AKAP13: variants seen among roughly 807,000 people sequenced by gnomAD.
The protein encoded by AKAP13 is A-kinase anchoring protein 13.
A neutral mutation model predicts 264.5 loss-of-function variants in AKAP13; 80 were observed. The ratio of observed to expected loss-of-function variants is 0.30; its 90% CI spans 0.25 to 0.36. The LOEUF (loss-of-function observed/expected upper bound fraction) is 0.36, where lower values mean the gene tolerates loss of function less well. Ranked by LOEUF, AKAP13 falls within the 10% of genes least tolerant of loss-of-function variation. AKAP13 has a pLI of 1.00. For missense variants in AKAP13, 3,712 were observed against 3,435.2 expected (o/e 1.08, Z -2.01); for synonymous variants, 1,380 against 1,250.2 (o/e 1.10, Z -2.19).
intron 1 of AKAP13, among the ~76,000 whole-genome samples, chr15:85,413,612 G>A (rs2072088848): frequency 6.6e-6 from 1 of 152,194 alleles, no homozygotes; most frequent in Non-Finnish European, 1.5e-5. Flanking sequence ...AAACATGAAA[G>A]TAGAGATTCA....
At chr15:85,714,865 G>GC (rs2086834348) in intron 19 of AKAP13, among the ~76,000 whole-genome samples, 4 of 152,154 alleles carry the variant, frequency 2.6e-5, no homozygotes, top group Admixed American at 2.0e-4. Flanking sequence ...TACTCGGGAG[G>GC]CTGCGGCAGG....
rs190515741 is a variant in AKAP13, at chr15:85,410,766, T to C, written c.-12+29968T>C. Among the ~76,000 whole-genome samples the C allele has an allele frequency of 2.6e-5, 4 of 151,686 alleles. No individual in the cohort carries two copies. The East Asian group carries it at 5.8e-4, about 22-fold the overall frequency. ...CAAATCCCTTTCCTCCTTGAATCCT[T>C]CTCTAGCTGGTCCAGCCCATAGAGA... is the stretch of plus-strand genomic sequence containing the variant. On this transcript the variant is annotated intron_variant, in intron 1 of 36. Transcript: ENST00000394518.
intron 8 of AKAP13, among the ~76,000 whole-genome samples, chr15:85,604,786 CAGA>C (rs10567958): frequency 0.6 from 91,281 of 151,506 alleles, 27,551 homozygotes; most frequent in Middle Eastern, 0.71. Flanking sequence ...TTAGGTTCAT[CAGA>C]ATGAGAGTTA....
chr15:85,498,674 A>G (rs1276067636), intron 2 of AKAP13, among the ~76,000 whole-genome samples: 1 of 152,110 alleles, frequency 6.6e-6, no homozygotes, highest in Non-Finnish European at 1.5e-5. Flanking sequence ...TTTCAAATGT[A>G]AGACATACAT....
In AKAP13 at chr15:85,580,435, C is replaced by G; in HGVS notation, c.2367C>G (p.Asn789Lys). ...VISDSTFSLA[N>K]SPGSESVTKD... ...CAGACAGTACTTTCTCTCTGGCAAA[C>G]AGTCCAGGCAGTGAATCAGTAACCA... The change falls in exon 7 of 37, where the codon AAC becomes AAG. Residue 789 changes from asparagine (N) to lysine (K), a missense_variant. Transcript: ENST00000394518. 6.2e-7 allele frequency: 1 copy of G among 1,614,218 alleles called. No homozygotes were observed. Among genetic ancestry groups the G allele is most frequent in the Non-Finnish European group, 8.5e-7 (1 of 1,180,028 alleles).
intron 8 of AKAP13, among the ~76,000 whole-genome samples, chr15:85,613,955 T>A (rs781475787): frequency 2.0e-5 from 3 of 152,036 alleles, no homozygotes; most frequent in Non-Finnish European, 4.4e-5. Context: ...AAAGTAGGTT[T>A]TAAAACAAAA....
intron 35 of AKAP13, among the ~76,000 whole-genome samples, chr15:85,742,977 G>T (rs116126696): frequency 0.012 from 1,840 of 152,230 alleles, 33 homozygotes; most frequent in African/African-American, 0.04. Context: ...ACAAAGGAGG[G>T]TTCCCAGGCA....
chr15:85,584,328 G>A (rs574095848), intron 7 of AKAP13, among the ~76,000 whole-genome samples: 2 of 152,160 alleles, frequency 1.3e-5, no homozygotes, highest in African/African-American at 4.8e-5. Flanking sequence ...CCCGTCAAGT[G>A]TGAGTAATCA....
chr15:85,668,551 A>AGAAGAGGATAG (rs1262778675), intron 13 of AKAP13, among the ~76,000 whole-genome samples: 8 of 152,228 alleles, frequency 5.3e-5, no homozygotes, highest in African/African-American at 1.9e-4. Flanking sequence ...CTATCATCTT[A>AGAAGAGGATAG]GAAGAGGATA....
At chr15:85,384,227 C>G (rs1238618644) in intron 1 of AKAP13, among the ~76,000 whole-genome samples, 2 of 152,290 alleles carry the variant, frequency 1.3e-5, no homozygotes, top group Non-Finnish European at 2.9e-5. Context: ...TAAAAACATT[C>G]CTGACAAAGC....
In AKAP13 at chr15:85,718,831, T is replaced by C. The variant is rs1438121812; in HGVS notation, c.6002-245T>C. 2 of 456,390 alleles carry C rather than the reference T, an allele frequency of 4.4e-6. No homozygotes were observed. Among genetic ancestry groups the C allele is most frequent in the Non-Finnish European group, 7.9e-6 (2 of 252,352 alleles). 28.3% of individuals were successfully genotyped at this position (456,390 alleles called of 1,614,324 possible). ...AGAAAGATCGCTTGAGCCCAGGAGGTTGAGGCTGCAATGAGCCATGACTTC... is the reference window on the plus strand; with the variant it reads ...AGAAAGATCGCTTGAGCCCAGGAGGCTGAGGCTGCAATGAGCCATGACTTC... On this transcript the variant is annotated intron_variant, in intron 22 of 36. Transcript: ENST00000394518. This position sits in a 1 kb window ranked among gnomAD's most constrained non-coding sequence, Gnocchi z 4.9.
At position 85,743,750 on chromosome 15, in the gene AKAP13, C is replaced by T. The variant is rs746430838; in HGVS notation, c.8317C>T (p.Leu2773=). 2 of 1,613,998 alleles carry T rather than the reference C, an allele frequency of 1.2e-6. No homozygotes were observed. Among genetic ancestry groups the T allele is most frequent in the African/African-American group, 1.3e-5 (1 of 74,898 alleles). ...TGCGTCCACCTCTGCCTCTACCCGC[C>T]TGTTTGGGTTAACAAAGCCAAAGGA... The part of the protein sequence containing the change: ...APASTSASTR[L]FGLTKPKEKK... Residue 2773 remains leucine (L), a synonymous_variant, in exon 36 of 37, where the codon CTG becomes TTG. Transcript: ENST00000394518.
chr15:85,507,012 A>C (rs915944400), intron 2 of AKAP13, among the ~76,000 whole-genome samples: 1 of 118,016 alleles, frequency 8.5e-6, no homozygotes, highest in South Asian at 2.3e-4. Context: ...GAAATTCATA[A>C]ATTTTACTTT....
intron 1 of AKAP13, among the ~76,000 whole-genome samples, chr15:85,470,807 A>C (rs533898473): frequency 2.0e-4 from 31 of 152,304 alleles, no homozygotes; most frequent in African/African-American, 6.5e-4. Flanking sequence ...ATTTTATGTT[A>C]CTTTGGAGAT....
chr15:85,693,475 C>G, intron 17 of AKAP13, 24 bp downstream of exon 17: 1 of 1,608,294 alleles, frequency 6.2e-7, no homozygotes, highest in Non-Finnish European at 8.5e-7. Context: ...TTCTTCCTCT[C>G]GTAAGATGGA....
intron 5 of AKAP13, among the ~76,000 whole-genome samples, chr15:85,560,151 A>C (rs948688581): frequency 7.9e-5 from 12 of 151,370 alleles, no homozygotes; most frequent in East Asian, 1.9e-4. Context: ...AAAAAAAAAA[A>C]AAAAAACAGT....
intron 5 of AKAP13, among the ~76,000 whole-genome samples, chr15:85,559,504 G>A (rs957868107): frequency 1.2e-4 from 18 of 152,100 alleles, no homozygotes; most frequent in Admixed American, 9.8e-4. Flanking sequence ...AATATATAAT[G>A]AAATAATTAT....
intron 8 of AKAP13, chr15:85,619,801 A>G (rs1049595337): frequency 2.6e-6 from 3 of 1,161,772 alleles, no homozygotes; most frequent in Admixed American, 4.4e-5. Context: ...TGCACAAAGT[A>G]TAGCATTAGG....
At chr15:85,656,533 G>A (rs1430944965) in intron 11 of AKAP13, among the ~76,000 whole-genome samples, 1 of 152,050 alleles carries the variant, frequency 6.6e-6, no homozygotes, top group Non-Finnish European at 1.5e-5. Flanking sequence ...TGCAAGCTCT[G>A]CCTCCCGGGT....
Sources: gnomAD v4.1 joint callset for allele counts (sites outside exome capture counted in the v4.1 genomes callset) on GRCh38, gnomAD v4.1.1 for gene constraint, Gnocchi (gnomAD v3.1) non-coding constraint, MANE v1.5 for transcripts, NCBI Gene and HGNC (gene_info 2026-07-23, HGNC 2026-07-21) for gene names.